Variants in PTPRD observed in about 807,000 individuals in gnomAD.
The protein encoded by PTPRD is protein tyrosine phosphatase receptor type D.
Under a neutral mutation model 214.5 loss-of-function variants are expected in PTPRD, and 34 were observed. That is an observed-to-expected ratio of 0.16 (90% CI 0.12 to 0.21). The LOEUF (loss-of-function observed/expected upper bound fraction) is 0.21. Among genes scored for constraint, PTPRD ranks in the 10% least tolerant of loss-of-function variants. PTPRD has a pLI of 1.00. For synonymous variants in PTPRD, 1,128 were observed against 845.7 expected (o/e 1.33, Z -5.79); for missense variants, 2,545 against 2,398.7 (o/e 1.06, Z -1.27).
intron 8 of PTPRD, among the ~76,000 whole-genome samples, chr9:9,420,428 T>C (rs1404093464): frequency 6.6e-6 from 1 of 151,906 alleles, no homozygotes; most frequent in Admixed American, 6.6e-5. Context: ...TGATAGGTTC[T>C]AGCACATATT....
intron 22 of PTPRD, among the ~76,000 whole-genome samples, chr9:8,506,915 C>T (rs1029673263): frequency 4.6e-5 from 7 of 152,136 alleles, no homozygotes; most frequent in Admixed American, 4.6e-4. Context: ...ACATATAGAG[C>T]TAATTTAGTC....
rs543708580 is a variant in PTPRD at position 9,249,534 on chromosome 9, T to G, written c.-202-66171A>C. Among the ~76,000 whole-genome samples, 5 of 152,222 alleles carry G rather than the reference T, an allele frequency of 3.3e-5. 1 individual carries two copies. In the South Asian group the frequency reaches 1.0e-3, roughly 32 times the overall value. On this transcript the variant is annotated intron_variant, in intron 9 of 45. Coordinates refer to ENST00000381196, the MANE Select transcript of PTPRD (RefSeq NM_002839.4). ...TGCTTATTATACCTCATAAACTTAT[T>G]TGGATTCTCTCTCCATTTTTGTCTA...
At chr9:8,707,395 A>G (rs766153068) in intron 12 of PTPRD, among the ~76,000 whole-genome samples, 1 of 152,248 alleles carries the variant, frequency 6.6e-6, no homozygotes, top group South Asian at 2.1e-4. Flanking sequence ...CCTTTTGGTC[A>G]GCCAGCTTCT....
chr9:8,767,017 C>G (rs2094807535), intron 11 of PTPRD, among the ~76,000 whole-genome samples: 1 of 152,082 alleles, frequency 6.6e-6, no homozygotes, highest in African/African-American at 2.4e-5. Context: ...ATTTCTGACC[C>G]TAAGCTTTAA....
In PTPRD at chr9:9,819,292, A is replaced by G. The variant is rs151296948; in HGVS notation, c.-367-52441T>C. Among the ~76,000 whole-genome samples, 95 of 152,268 alleles carry G rather than the reference A, an allele frequency of 6.2e-4. 2 individuals are homozygous for G. The highest frequency in any genetic ancestry group is 2.1e-3 in the African/African-American group (89 of 41,564). Reference sequence around the variant, plus strand: ...CTATAACGATTTATTACAGGTCTCTATAACTATTTATTTTTAAAGGCTTTT... The same window carrying G: ...CTATAACGATTTATTACAGGTCTCTGTAACTATTTATTTTTAAAGGCTTTT... On this transcript the variant is annotated intron_variant, in intron 5 of 45. Transcript: ENST00000381196.
intron 2 of PTPRD, among the ~76,000 whole-genome samples, chr9:10,398,835 C>A (rs1000124495): frequency 6.6e-6 from 1 of 151,918 alleles, no homozygotes; most frequent in African/African-American, 2.4e-5. Context: ...TTTTCATCCT[C>A]ATTTTAGAAG....
rs1427937945 is a variant in PTPRD at position 9,638,970 on chromosome 9, C to T, written c.-286-64189G>A. ...TCAAACTCTTTCATAATGGCACAAA[C>T]CCATGCCACTCTGCCCTCATCACCA... On this transcript the variant is annotated intron_variant, in intron 7 of 45. Transcript: ENST00000381196. Among the ~76,000 whole-genome samples the T allele has an allele frequency of 3.3e-5, 5 of 152,154 alleles. No individual in the cohort carries two copies. The East Asian group carries it at 9.6e-4, about 29-fold the overall frequency.
At chr9:9,281,332 A>G (rs1947617231) in intron 9 of PTPRD, among the ~76,000 whole-genome samples, 1 of 151,258 alleles carries the variant, frequency 6.6e-6, no homozygotes. Flanking sequence ...CTGGGAGAAA[A>G]CATTTGCAAA....
At chr9:9,915,737 G>C (rs980795363) in intron 5 of PTPRD, among the ~76,000 whole-genome samples, 3 of 151,826 alleles carry the variant, frequency 2.0e-5, no homozygotes, top group African/African-American at 7.3e-5. Flanking sequence ...GGATTTATGG[G>C]AGATCATTAA....
intron 4 of PTPRD, among the ~76,000 whole-genome samples, chr9:9,941,088 AT>A (rs1179565299): frequency 1.3e-5 from 2 of 152,112 alleles, no homozygotes; most frequent in Non-Finnish European, 2.9e-5. Flanking sequence ...TTCCAAAAAA[AT>A]CTCATGTTTT....
At chr9:9,170,303 T>C (rs1033916724) in intron 10 of PTPRD, among the ~76,000 whole-genome samples, 1 of 152,190 alleles carries the variant, frequency 6.6e-6, no homozygotes, top group South Asian at 2.1e-4. Context: ...CTGTGATGGG[T>C]AAGGTTCTTT....
chr9:9,305,217 T>C (rs1312838023), intron 9 of PTPRD, among the ~76,000 whole-genome samples: 5 of 151,986 alleles, frequency 3.3e-5, no homozygotes, highest in African/African-American at 1.2e-4. Flanking sequence ...AACTCTTACC[T>C]AGCTGCAGTT....
Position 9,762,030 on chromosome 9 carries a change from G to A in PTPRD, c.-326+4780C>T, listed in dbSNP as rs112770818. Among the ~76,000 whole-genome samples, 437 of 152,262 alleles carry A rather than the reference G, an allele frequency of 2.9e-3. 2 individuals are homozygous for A. Among genetic ancestry groups the A allele is most frequent in the African/African-American group, 0.01 (417 of 41,542 alleles). The stretch of plus-strand genomic sequence containing the variant: ...GAGGAGAGAAAGTCCAAGATCAAGT[G>A]TGGCAGCACCACCTCCATAACTGTA... On this transcript the variant is annotated intron_variant, in intron 6 of 45. Transcript: ENST00000381196.
intron 39 of PTPRD, among the ~76,000 whole-genome samples, chr9:8,375,517 A>G (rs914975486): frequency 3.9e-5 from 6 of 151,994 alleles, no homozygotes; most frequent in African/African-American, 1.5e-4. Flanking sequence ...CTTGTATGAT[A>G]TATTATTATT....
intron 7 of PTPRD, among the ~76,000 whole-genome samples, chr9:9,605,672 T>C (rs1440824530): frequency 1.3e-5 from 2 of 152,054 alleles, no homozygotes; most frequent in African/African-American, 4.8e-5. Flanking sequence ...AAGTTGAGAC[T>C]GGAGTCAGGG....
chr9:10,455,130 G>C (rs2098899069), intron 2 of PTPRD, among the ~76,000 whole-genome samples: 1 of 151,628 alleles, frequency 6.6e-6, no homozygotes, highest in Admixed American at 6.6e-5. Context: ...CTCACTCAAA[G>C]CTTATCAATG....
intron 11 of PTPRD, among the ~76,000 whole-genome samples, chr9:8,749,220 C>T (rs549315891): frequency 9.9e-5 from 15 of 152,180 alleles, no homozygotes; most frequent in South Asian, 2.1e-4. Context: ...CTCGCTCTGT[C>T]GCCCAGGCTG....
rs548327845 is a variant in PTPRD, at chr9:8,460,625, T to C, written c.3715-54A>G. 158 of 1,557,526 alleles carry C rather than the reference T, an allele frequency of 1.0e-4. 1 individual carries two copies. In the African/African-American group the frequency reaches 1.7e-3, roughly 17 times the overall value. On this transcript the variant is annotated intron_variant, in intron 32 of 45. Transcript: ENST00000381196. The stretch of plus-strand genomic sequence containing the variant: ...ATAAAATAATGACTTTCTAGATAAG[T>C]ACCTTTAACATTAGAAGAAGCAAAA...
At chr9:9,163,693 T>C (rs1049308092) in intron 10 of PTPRD, among the ~76,000 whole-genome samples, 10 of 152,130 alleles carry the variant, frequency 6.6e-5, no homozygotes, top group Non-Finnish European at 1.5e-4. Flanking sequence ...ATGATCAAGA[T>C]CAAACCTCTA....
Sources: allele counts gnomAD v4.1 joint callset (sites outside exome capture counted in the v4.1 genomes callset), GRCh38; gene constraint gnomAD v4.1.1; transcripts MANE v1.5; gene names NCBI Gene and HGNC (gene_info 2026-07-23, HGNC 2026-07-21).